Variants in RALY observed in about 807,000 individuals in gnomAD.
The protein encoded by RALY is RNA-binding protein Raly.
RALY carries 15 observed loss-of-function variants against 30.7 expected under a neutral mutation model. That is an observed-to-expected ratio of 0.49 (90% CI 0.33 to 0.75). The LOEUF is 0.75. Among genes scored for constraint, RALY ranks in the 30% least tolerant of loss-of-function variants. RALY has a pLI of 0.02. For missense variants in RALY, 339 were observed against 414.3 expected (o/e 0.82, Z 1.58); for synonymous variants, 177 against 170.8 (o/e 1.04, Z -0.28).
intron 2 of RALY, among the ~76,000 whole-genome samples, chr20:34,071,556 TTGTGAGCCACCA>T (rs2033728689): frequency 6.6e-6 from 1 of 152,060 alleles, no homozygotes; most frequent in African/African-American, 2.4e-5. Flanking sequence ...GGGATTACAG[TTGTGAGCCACCA>T]TGCCCGGCCC....
At chr20:34,001,007 A>G (rs957317114) in intron 1 of RALY, among the ~76,000 whole-genome samples, 6 of 152,224 alleles carry the variant, frequency 3.9e-5, no homozygotes, top group African/African-American at 7.2e-5. Flanking sequence ...GGGCTTTGCT[A>G]AAGTATTGAG....
At chr20:34,071,600 G>A (rs1192801767) in intron 2 of RALY, among the ~76,000 whole-genome samples, 1 of 152,054 alleles carries the variant, frequency 6.6e-6, no homozygotes, top group African/African-American at 2.4e-5. Context: ...ATCATATGGT[G>A]GTGGTCTAGA....
chr20:34,077,262 G>C lies in RALY; in HGVS notation c.876+17G>C, dbSNP rs371402158. The C allele has an allele frequency of 1.2e-6, 2 of 1,612,984 alleles. No individual in the cohort carries two copies. The highest frequency in any genetic ancestry group is 1.3e-5 in the African/African-American group (1 of 74,912). On this transcript the variant is annotated intron_variant, in intron 8 of 9. Coordinates refer to ENST00000246194, the MANE Select transcript of RALY (RefSeq NM_016732.3). ...GAAGAGCTGGTGAGGGCCTGGCCAG[G>C]GGCACGACTGGGACTCGACTGTGCT...
chr20:34,013,908 A>T (rs1294364503), intron 1 of RALY, among the ~76,000 whole-genome samples: 1 of 152,246 alleles, frequency 6.6e-6, no homozygotes, highest in Non-Finnish European at 1.5e-5. Flanking sequence ...AGTGCTACAG[A>T]TGAAATATGA....
Position 34,077,067 on chromosome 20 carries a change from G to A in RALY, c.698G>A (p.Gly233Asp). Residue 233 changes from glycine to aspartate, a missense_variant, in exon 8 of 10, where the codon GGC becomes GAC. By Grantham distance (94) the Gly-to-Asp change is moderately conservative. Transcript: ENST00000246194. The part of the protein sequence containing the change: ...KKGDGGGAGG[G>D]GGGGGSGGGG... ...GGTGATGGAGGTGGCGCCGGCGGCG[G>A]CGGCGGTGGTGGTGGCAGCGGTGGC... The A allele has an allele frequency of 1.2e-6, 2 of 1,605,400 alleles. No homozygotes were observed.
chr20:34,078,094 T>C (rs2122333414), intron 8 of RALY, among the ~76,000 whole-genome samples: 1 of 152,380 alleles, frequency 6.6e-6, no homozygotes, highest in Non-Finnish European at 1.5e-5. Context: ...TGCCTTATGC[T>C]AGCTCATCTC....
At chr20:34,018,839 C>T (rs2031707880) in intron 1 of RALY, among the ~76,000 whole-genome samples, 1 of 152,124 alleles carries the variant, frequency 6.6e-6, no homozygotes, top group South Asian at 2.1e-4. Flanking sequence ...TTACTACATA[C>T]CTTTGAGTTT....
At chr20:34,061,426 A>G (rs1272621218) in intron 2 of RALY, among the ~76,000 whole-genome samples, 1 of 152,248 alleles carries the variant, frequency 6.6e-6, no homozygotes, top group Non-Finnish European at 1.5e-5. Context: ...AGTAAACTTC[A>G]TGTTTTCTTT....
intron 2 of RALY, among the ~76,000 whole-genome samples, chr20:34,050,444 A>G (rs2033038136): frequency 6.6e-6 from 1 of 152,220 alleles, no homozygotes; most frequent in South Asian, 2.1e-4. Flanking sequence ...ACCTTGATCC[A>G]AAAATGCTTT....
In RALY at chr20:34,013,251, TAAAA is replaced by T. The variant is rs922061740; in HGVS notation, c.-92-18263_-92-18260del. Reference sequence around the variant, plus strand: ...TTTTAAAACAAACAAACAAACAAAATAAAAAAAAAAACTAGCTCGCATAATGGGG... The same window carrying T: ...TTTTAAAACAAACAAACAAACAAAATAAAAAAACTAGCTCGCATAATGGGG... On this transcript the variant is annotated intron_variant, in intron 1 of 9. Coordinates refer to ENST00000246194, the MANE Select transcript of RALY (RefSeq NM_016732.3). 4.9e-5 allele frequency among the ~76,000 whole-genome samples: 7 copies of T among 143,212 alleles called. No homozygotes were observed. In the East Asian group the frequency reaches 8.0e-4, roughly 16 times the overall value. 94.0% of individuals were successfully genotyped at this position (143,212 alleles called of 152,430 possible). A position where few individuals can be genotyped will look rare whatever the true frequency, so the allele number is the denominator to read the frequency against.
At chr20:33,999,701 G>A (rs551564807) in intron 1 of RALY, among the ~76,000 whole-genome samples, 2 of 152,098 alleles carry the variant, frequency 1.3e-5, no homozygotes, top group Non-Finnish European at 2.9e-5. Context: ...GATCCAGAAG[G>A]GCAGAAGTCT....
At chr20:34,022,875 T>TTTTTCCCCCAAAGTTCAC (rs2031880860) in intron 1 of RALY, among the ~76,000 whole-genome samples, 1 of 152,244 alleles carries the variant, frequency 6.6e-6, no homozygotes, top group South Asian at 2.1e-4. Context: ...AGCATAGCAT[T>TTTTTCCCCCAAAGTTCAC]TTTTCCCCCA....
chr20:34,054,209 A>G (rs1325105434), intron 2 of RALY, among the ~76,000 whole-genome samples: 1 of 152,214 alleles, frequency 6.6e-6, no homozygotes, highest in Non-Finnish European at 1.5e-5. Context: ...ACGCCCACCT[A>G]GGATTCTTTC....
rs892120617 is a variant in RALY at position 34,071,168 on chromosome 20, T to G, written c.-9-898T>G. Among the ~76,000 whole-genome samples, 6 of 152,088 alleles carry G rather than the reference T, an allele frequency of 3.9e-5. No individual in the cohort carries two copies. In the East Asian group the frequency reaches 1.2e-3, roughly 29 times the overall value. ...CAGCACTGGGGATTACAATTAGACATGAGATTTGGGCGGGGACACAAATTC... is the reference window on the plus strand; with the variant it reads ...CAGCACTGGGGATTACAATTAGACAGGAGATTTGGGCGGGGACACAAATTC... On this transcript the variant is annotated intron_variant, in intron 2 of 9. Transcript: ENST00000246194.
At chr20:34,066,957 A>G (rs190577105) in intron 2 of RALY, among the ~76,000 whole-genome samples, 3 of 152,340 alleles carry the variant, frequency 2.0e-5, no homozygotes, top group Non-Finnish European at 4.4e-5. Context: ...GACTCAAGGT[A>G]ACATAATCTT....
At chr20:34,029,205 A>G (rs970009577) in intron 1 of RALY, among the ~76,000 whole-genome samples, 2 of 152,156 alleles carry the variant, frequency 1.3e-5, no homozygotes, top group Non-Finnish European at 2.9e-5. Context: ...TGAGAGGCCA[A>G]GGCAGGTGGA....
At chr20:34,029,465 GAGGGAGGGAGGAA>G (rs1424554568) in intron 1 of RALY, among the ~76,000 whole-genome samples, 4 of 129,870 alleles carry the variant, frequency 3.1e-5, no homozygotes, top group Non-Finnish European at 4.8e-5. Context: ...AGAAAGGAGG[GAGGGAGGGAGGAA>G]AGGGAGGGAG....
chr20:34,018,985 G>A (rs2031713606), intron 1 of RALY, among the ~76,000 whole-genome samples: 1 of 152,166 alleles, frequency 6.6e-6, no homozygotes, highest in African/African-American at 2.4e-5. Context: ...TTTAGGGCTA[G>A]TATTTAGGAT....
At chr20:34,015,845 GCACACACA>G (rs148065141) in intron 1 of RALY, among the ~76,000 whole-genome samples, 1 of 149,086 alleles carries the variant, frequency 6.7e-6, no homozygotes, top group Non-Finnish European at 1.5e-5. Context: ...TGCAACATGT[GCACACACA>G]CACACACACA....
Sources: gnomAD v4.1 joint callset for allele counts (sites outside exome capture counted in the v4.1 genomes callset) on GRCh38, gnomAD v4.1.1 for gene constraint, MANE v1.5 for transcripts, NCBI Gene and HGNC (gene_info 2026-07-23, HGNC 2026-07-21) for gene names.